NTM: variants seen among roughly 807,000 people sequenced by gnomAD.
The protein encoded by NTM is IgLON family member 2.
A neutral mutation model predicts 42.1 loss-of-function variants in NTM; 13 were observed. That is an observed-to-expected ratio of 0.31 (90% CI 0.20 to 0.49). The LOEUF is 0.49. Among genes scored for constraint, NTM ranks in the 20% least tolerant of loss-of-function variants. NTM has a pLI of 0.99. For synonymous variants in NTM, 187 were observed against 179.2 expected, an observed-to-expected ratio of 1.04 and a Z score of -0.35; for missense variants, 373 against 452.8, an observed-to-expected ratio of 0.82 and a Z score of 1.60.
At chr11:131,882,983 AGTCACAC>A (rs1270272570) in intron 1 of NTM, among the ~76,000 whole-genome samples, 2 of 152,214 alleles carry the variant, frequency 1.3e-5, no homozygotes, top group Non-Finnish European at 2.9e-5. Context: ...AAGCACAAGC[AGTCACAC>A]TCCCCATGAC....
chr11:131,644,481 C>T (rs989928439), intron 1 of NTM, among the ~76,000 whole-genome samples: 13 of 152,118 alleles, frequency 8.5e-5, no homozygotes, highest in African/African-American at 1.7e-4. Context: ...ACCGTACCAA[C>T]GAAGGGGGAC....
In NTM at chr11:132,271,575, T is replaced by A. The variant is rs998664308; in HGVS notation, c.527-36114T>A. On this transcript the variant is annotated intron_variant, in intron 4 of 8. Transcript: ENST00000683400. ...AACACTTGTTATTATCCATCTTTTT[T>A]ATTATAGCCATCCTAGTGGGGTGGA... Among the ~76,000 whole-genome samples the A allele has an allele frequency of 1.4e-4, 21 of 152,288 alleles. No individual in the cohort carries two copies. In the South Asian group the frequency reaches 4.4e-3, roughly 32 times the overall value.
At chr11:131,514,554 T>C (rs1418393706) in intron 1 of NTM, among the ~76,000 whole-genome samples, 1 of 152,182 alleles carries the variant, frequency 6.6e-6, no homozygotes, top group South Asian at 2.1e-4. Flanking sequence ...TTTAAAAAAA[T>C]TAAATTTGTT....
At chr11:131,708,993 T>C (rs2076854417) in intron 1 of NTM, among the ~76,000 whole-genome samples, 1 of 152,016 alleles carries the variant, frequency 6.6e-6, no homozygotes, top group Non-Finnish European at 1.5e-5. Context: ...TTTGAACAAA[T>C]GCGTGAAAGC....
At chr11:131,904,685 A>T (rs1363844044) in intron 1 of NTM, among the ~76,000 whole-genome samples, 1 of 152,188 alleles carries the variant, frequency 6.6e-6, no homozygotes, top group Non-Finnish European at 1.5e-5. Flanking sequence ...TCACTTTACA[A>T]TGGGATGGAG....
At chr11:131,669,878 T>A (rs1246363132) in intron 1 of NTM, among the ~76,000 whole-genome samples, 1 of 152,210 alleles carries the variant, frequency 6.6e-6, no homozygotes, top group African/African-American at 2.4e-5. Flanking sequence ...TCTGAAGATT[T>A]GAGCGATCTC....
At chr11:131,604,222 C>A (rs953230374) in intron 1 of NTM, among the ~76,000 whole-genome samples, 1 of 152,084 alleles carries the variant, frequency 6.6e-6, no homozygotes, top group Non-Finnish European at 1.5e-5. Context: ...TAACCTTCCT[C>A]GTGGGTGTGA....
intron 1 of NTM, among the ~76,000 whole-genome samples, chr11:131,829,993 T>G (rs1044608238): frequency 1.3e-5 from 2 of 152,222 alleles, no homozygotes; most frequent in Admixed American, 6.5e-5. Context: ...TTTTGAGAAG[T>G]GTGTGTTCAC....
At chr11:132,029,062 GTTT>G (rs56085410) in intron 2 of NTM, among the ~76,000 whole-genome samples, 3 of 151,298 alleles carry the variant, frequency 2.0e-5, no homozygotes, top group East Asian at 2.0e-4. Flanking sequence ...GTTGGTGTGG[GTTT>G]TTTTTTTTGT....
chr11:131,811,150 G>C (rs546495677), intron 1 of NTM, among the ~76,000 whole-genome samples: 57 of 152,252 alleles, frequency 3.7e-4, no homozygotes, highest in African/African-American at 1.3e-3. Context: ...TGTATATAGA[G>C]ATCTAGTGGT....
intron 1 of NTM, among the ~76,000 whole-genome samples, chr11:131,745,417 GA>G (rs2135628185): frequency 6.6e-6 from 1 of 152,312 alleles, no homozygotes; most frequent in Non-Finnish European, 1.5e-5. Context: ...GGAAGGTGTT[GA>G]AAAGTGTAAA....
intron 1 of NTM, among the ~76,000 whole-genome samples, chr11:131,625,185 G>A (rs190968329): frequency 6.6e-6 from 1 of 152,146 alleles, no homozygotes; most frequent in Non-Finnish European, 1.5e-5. Context: ...TATTTTAAGG[G>A]TGTAAAGTGA....
At chr11:131,549,395 A>T (rs1409220073) in intron 1 of NTM, among the ~76,000 whole-genome samples, 3 of 152,160 alleles carry the variant, frequency 2.0e-5, no homozygotes, top group African/African-American at 2.4e-5. Flanking sequence ...TTTGAATTAA[A>T]TTTTTTTAAA....
intron 2 of NTM, among the ~76,000 whole-genome samples, chr11:131,939,244 T>C (rs1452713088): frequency 6.6e-6 from 1 of 151,796 alleles, no homozygotes; most frequent in East Asian, 1.9e-4. Flanking sequence ...CAGGGAGAGT[T>C]TGAGACCAAA....
intron 1 of NTM, among the ~76,000 whole-genome samples, chr11:131,701,687 C>A (rs967659294): frequency 6.6e-6 from 1 of 152,138 alleles, no homozygotes; most frequent in African/African-American, 2.4e-5. Flanking sequence ...TAGTGGGCTC[C>A]TTAATGCTGA....
At chr11:132,333,421 G>C (rs2095837488) in intron 8 of NTM, among the ~76,000 whole-genome samples, 1 of 152,212 alleles carries the variant, frequency 6.6e-6, no homozygotes, top group South Asian at 2.1e-4. Flanking sequence ...AGATGACAGA[G>C]TGAGCATCTA....
At chr11:132,076,374 C>G (rs2058364680) in intron 2 of NTM, among the ~76,000 whole-genome samples, 1 of 152,158 alleles carries the variant, frequency 6.6e-6, no homozygotes, top group Non-Finnish European at 1.5e-5. Flanking sequence ...GCTGCATTAG[C>G]TGATCCCCAT....
intron 1 of NTM, among the ~76,000 whole-genome samples, chr11:131,626,082 A>G: frequency 6.6e-6 from 1 of 152,144 alleles, no homozygotes; most frequent in East Asian, 1.9e-4. Context: ...GGGATGAGAT[A>G]AATTCAATTT....
intron 2 of NTM, among the ~76,000 whole-genome samples, chr11:132,092,456 C>G (rs1298576270): frequency 6.6e-6 from 1 of 152,176 alleles, no homozygotes; most frequent in Non-Finnish European, 1.5e-5. Flanking sequence ...TCACTCAGCA[C>G]CTATCTCCTT....
Sources: allele counts gnomAD v4.1 joint callset (sites outside exome capture counted in the v4.1 genomes callset), GRCh38; gene constraint gnomAD v4.1.1; transcripts MANE v1.5; gene names NCBI Gene and HGNC (gene_info 2026-07-23, HGNC 2026-07-21).